The following MCUB variants were observed in gnomAD, a reference collection of about 807,000 sequenced individuals.
MCUB encodes mitochondrial calcium uniporter dominant negative subunit beta, also known as calcium uniporter regulatory subunit MCUb, mitochondrial.
In MCUB, 46 loss-of-function variants were observed where a neutral mutation model predicts 41.4. The observed-to-expected ratio is 1.11, with a 90% CI of 0.88 to 1.42. MCUB has a LOEUF of 1.42. MCUB is among the 40% of genes most tolerant of loss of function. The pLI is 0.00. For synonymous variants in MCUB, 148 were observed against 148.2 expected, an observed-to-expected ratio of 1.00 and a Z score of 0.01; for missense variants, 403 against 404.9, an observed-to-expected ratio of 1.00 and a Z score of 0.04.
intron 1 of MCUB, among the ~76,000 whole-genome samples, chr4:109,595,451 A>G (rs1727532141): frequency 6.6e-6 from 1 of 151,962 alleles, no homozygotes; most frequent in African/African-American, 2.4e-5. Flanking sequence ...GGTGAACTGA[A>G]AGAAGAAAGT....
intron 1 of MCUB, among the ~76,000 whole-genome samples, chr4:109,594,779 CTT>C (rs566721839): frequency 2.8e-5 from 4 of 143,678 alleles, no homozygotes; most frequent in Non-Finnish European, 1.5e-5. Flanking sequence ...AATTCTCTTT[CTT>C]TTTTTTTTTT....
intron 1 of MCUB, among the ~76,000 whole-genome samples, chr4:109,584,757 G>C (rs113705027): frequency 6.6e-6 from 1 of 152,178 alleles, no homozygotes; most frequent in African/African-American, 2.4e-5. Flanking sequence ...ATGTAGTTGC[G>C]TGGTTTTGAA....
chr4:109,568,579 A>G (rs147950557), intron 1 of MCUB, among the ~76,000 whole-genome samples: 1,795 of 152,128 alleles, frequency 0.012, 16 homozygotes, highest in Non-Finnish European at 0.017. Context: ...CTGAGTTTCA[A>G]TAGCCACCCC....
chr4:109,612,251 C>T (rs1396964933), intron 1 of MCUB, among the ~76,000 whole-genome samples: 1 of 147,476 alleles, frequency 6.8e-6, no homozygotes, highest in Non-Finnish European at 1.5e-5. Context: ...ATTTCTTCCT[C>T]CTCCTCCTTT....
chr4:109,659,123 A>T, intron 2 of MCUB, 37 bp downstream of exon 2: 1 of 1,127,336 alleles, frequency 8.9e-7, no homozygotes, highest in Non-Finnish European at 1.3e-6. Context: ...TCATATGTTA[A>T]TTGTTTCCCT....
At chr4:109,635,137 C>CT (rs1424538265) in intron 1 of MCUB, among the ~76,000 whole-genome samples, 1 of 152,152 alleles carries the variant, frequency 6.6e-6, no homozygotes, top group Non-Finnish European at 1.5e-5. Flanking sequence ...TGAACTCATC[C>CT]TTTTTTATTG....
chr4:109,677,750 C>A (rs1387118929), intron 4 of MCUB, among the ~76,000 whole-genome samples: 2 of 143,934 alleles, frequency 1.4e-5, no homozygotes, highest in African/African-American at 5.2e-5. Context: ...GTGCATTGAT[C>A]TTGGATTTCC....
intron 1 of MCUB, among the ~76,000 whole-genome samples, chr4:109,582,538 T>TA (rs546583248): frequency 0.02 from 2,557 of 129,212 alleles, 47 homozygotes; most frequent in South Asian, 0.083. Context: ...TAATAAAATT[T>TA]AAAAAAAAAA....
Position 109,688,440 on chromosome 4 carries a change from T to G in MCUB, c.*848T>G, listed in dbSNP as rs969731354. 2.0e-5 allele frequency: 3 copies of G among 152,230 alleles called. No homozygotes were observed. The highest frequency in any genetic ancestry group is 7.2e-5 in the African/African-American group (3 of 41,466). 9.4% of individuals were successfully genotyped at this position (152,230 alleles called of 1,614,324 possible). A position where few individuals can be genotyped will look rare whatever the true frequency, so the allele number is the denominator to read the frequency against. ...TAGTGGCTAAGAATTATGTTTTCTATTTCATCCTCAGAATGCCATACAACA... is the reference window on the plus strand; with the variant it reads ...TAGTGGCTAAGAATTATGTTTTCTAGTTCATCCTCAGAATGCCATACAACA... On this transcript the variant is annotated 3_prime_UTR_variant, in exon 8 of 8. Coordinates refer to ENST00000394650, the MANE Select transcript of MCUB (RefSeq NM_017918.5).
intron 1 of MCUB, among the ~76,000 whole-genome samples, chr4:109,628,299 G>A (rs968289842): frequency 2.6e-5 from 4 of 152,192 alleles, no homozygotes; most frequent in African/African-American, 7.2e-5. Context: ...AGGAAAGAGC[G>A]AAGGAAAGAG....
At chr4:109,571,989 A>G (rs1296150965) in intron 1 of MCUB, among the ~76,000 whole-genome samples, 1 of 152,272 alleles carries the variant, frequency 6.6e-6, no homozygotes, top group Non-Finnish European at 1.5e-5. Context: ...TACATCTGCC[A>G]CAGTCCCCTT....
At chr4:109,651,888 A>G (rs1368398834) in intron 1 of MCUB, among the ~76,000 whole-genome samples, 1 of 152,046 alleles carries the variant, frequency 6.6e-6, no homozygotes, top group African/African-American at 2.4e-5. Flanking sequence ...TTCTGAGCCT[A>G]TTTCCCATGT....
chr4:109,673,890 G>A, intron 4 of MCUB: 1 of 774,492 alleles, frequency 1.3e-6, no homozygotes, highest in Non-Finnish European at 2.4e-6. Flanking sequence ...AGGAATATCA[G>A]GGATCCAAAC....
chr4:109,619,327 C>T (rs1728203362), intron 1 of MCUB, among the ~76,000 whole-genome samples: 1 of 152,102 alleles, frequency 6.6e-6, no homozygotes, highest in African/African-American at 2.4e-5. Flanking sequence ...GATCTGCCCG[C>T]CTTGGCTTCC....
At chr4:109,670,573 G>C (rs1040816766) in intron 4 of MCUB, among the ~76,000 whole-genome samples, 1 of 151,920 alleles carries the variant, frequency 6.6e-6, no homozygotes, top group African/African-American at 2.4e-5. Flanking sequence ...AAAATTAGCT[G>C]GGCATGGGGG....
chr4:109,669,394 T>C (rs944084572), intron 4 of MCUB, among the ~76,000 whole-genome samples: 2 of 152,150 alleles, frequency 1.3e-5, no homozygotes, highest in African/African-American at 4.8e-5. Context: ...TTCTTTTTTT[T>C]TCTCTGCTAT....
chr4:109,658,801 A>G (rs980250322), intron 1 of MCUB, among the ~76,000 whole-genome samples: 1 of 151,960 alleles, frequency 6.6e-6, no homozygotes, highest in African/African-American at 2.4e-5. Flanking sequence ...CTGGTGTGCT[A>G]CTGCTACAGC....
intron 4 of MCUB, among the ~76,000 whole-genome samples, chr4:109,673,476 GT>G (rs771405871): frequency 2.6e-5 from 4 of 152,198 alleles, no homozygotes; most frequent in Non-Finnish European, 5.9e-5. Context: ...GTGAGCCCAG[GT>G]TTCCCTGTAA....
At position 109,682,637 on chromosome 4, in the gene MCUB, C is replaced by CAGACT. The variant is rs1306746886; in HGVS notation, c.509_513dup (p.Phe172AspfsTer8). 6.2e-7 allele frequency: 1 copy of CAGACT among 1,612,872 alleles called. No homozygotes were observed. Among genetic ancestry groups the CAGACT allele is most frequent in the East Asian group, 2.2e-5 (1 of 44,858 alleles). On this transcript the variant is annotated frameshift_variant, in exon 5 of 8. Transcript: ENST00000394650. LOFTEE classifies it high-confidence loss of function. ...TGGAACACATGAAATCTTTGGTTCA[C>CAGACT]AGACTATTTACAATCTTGCATTTAG...
Sources: gnomAD v4.1 joint callset for allele counts (sites outside exome capture counted in the v4.1 genomes callset) on GRCh38, gnomAD v4.1.1 for gene constraint, MANE v1.5 for transcripts, NCBI Gene and HGNC (gene_info 2026-07-23, HGNC 2026-07-21) for gene names.